Variants in PCDHA2 observed in about 807,000 individuals in gnomAD.
PCDHA2 encodes the protein protocadherin alpha-2.
A neutral mutation model predicts 66.0 loss-of-function variants in PCDHA2; 58 were observed. That is an observed-to-expected ratio of 0.88 (90% CI 0.71 to 1.09). The LOEUF (loss-of-function observed/expected upper bound fraction) is 1.09. Ranked by LOEUF, PCDHA2 falls within the 50% of genes least tolerant of loss-of-function variation. PCDHA2 has a pLI of 0.00. For missense variants in PCDHA2, 1,267 were observed against 1,242.3 expected (o/e 1.02, Z -0.30); for synonymous variants, 634 against 554.0 (o/e 1.14, Z -2.03).
intron 3 of PCDHA2, among the ~76,000 whole-genome samples, chr5:140,995,247 A>G (rs1377733694): frequency 6.6e-6 from 1 of 152,186 alleles, no homozygotes; most frequent in Non-Finnish European, 1.5e-5. Context: ...TAAGTAAAAT[A>G]AGGGTACTTG....
chr5:140,966,206 T>C, intron 1 of PCDHA2: 1 of 227,662 alleles, frequency 4.4e-6, no homozygotes, highest in Non-Finnish European at 8.5e-6. Context: ...GCTTGACTGC[T>C]TTTCCCAGAC....
rs1763134467 is a variant in PCDHA2, at chr5:140,803,170, C to T, written c.2388+5818C>T. The T allele has an allele frequency of 6.2e-7, 1 of 1,613,898 alleles. No homozygotes were observed. Among genetic ancestry groups the T allele is most frequent in the Non-Finnish European group, 8.5e-7 (1 of 1,179,938 alleles). ...CTGGTGAAGGACCACGGTGAACCCT[C>T]ATTGACCGCCACGGCCACTGTGCTG... On this transcript the variant is annotated intron_variant, in intron 1 of 3. Coordinates refer to ENST00000526136, the MANE Select transcript of PCDHA2 (RefSeq NM_018905.3).
intron 1 of PCDHA2, chr5:140,927,103 C>T: frequency 6.2e-7 from 1 of 1,613,768 alleles, no homozygotes; most frequent in Non-Finnish European, 8.5e-7. Flanking sequence ...GGTGGATCTA[C>T]CCAGCGGCAA....
At chr5:140,912,865 A>G (rs1554195582) in intron 1 of PCDHA2, among the ~76,000 whole-genome samples, 1 of 152,138 alleles carries the variant, frequency 6.6e-6, no homozygotes, top group East Asian at 1.9e-4. Flanking sequence ...GAAATGATAT[A>G]TGGTTTTTGG....
At position 140,796,135 on chromosome 5, in the gene PCDHA2, C is replaced by T; in HGVS notation, c.1171C>T (p.Pro391Ser). 6.8e-6 allele frequency: 11 copies of T among 1,614,222 alleles called. No individual in the cohort carries two copies. Among genetic ancestry groups the T allele is most frequent in the Non-Finnish European group, 9.3e-6 (11 of 1,180,044 alleles). ...TGGACATGTCACCTGCTCCCTGACG[C>T]CCCACGTCCCTTTCAAGCTGGTGTC... Reference protein sequence around the residue: ...TNGHVTCSLTPHVPFKLVSTF... With the variant: ...TNGHVTCSLTSHVPFKLVSTF... The change falls in exon 1 of 4, where the codon CCC (proline) becomes TCC (serine). Residue 391 changes from proline (P) to serine (S), a missense_variant. Physicochemically the swap from Pro to Ser is moderately conservative, Grantham distance 74 (BLOSUM62 -1). Transcript: ENST00000526136.
In PCDHA2 at chr5:140,982,506, C is replaced by T. The variant is rs139355257; in HGVS notation, c.2479C>T (p.Arg827Trp). The change falls in exon 3 of 4, where the codon CGG (arginine) becomes TGG (tryptophan). Residue 827 changes from arginine to tryptophan, a missense_variant. Arg to Trp is a moderately radical substitution (Grantham distance 101). Coordinates refer to ENST00000526136, the MANE Select transcript of PCDHA2 (RefSeq NM_018905.3). ...GCACCTAGAGGAGGCTGGCATTCTACGGGCTGGTCCAGGAGGGCCTGATCA... is the reference window on the plus strand; with the variant it reads ...GCACCTAGAGGAGGCTGGCATTCTATGGGCTGGTCCAGGAGGGCCTGATCA... The part of the protein sequence containing the change: ...SVHLEEAGIL[R>W]AGPGGPDQQW... The T allele has an allele frequency of 3.5e-5, 57 of 1,614,162 alleles. No individual in the cohort carries two copies. Among genetic ancestry groups the T allele is most frequent in the Middle Eastern group, 3.3e-4 (2 of 6,058 alleles).
chr5:140,880,810 T>C (rs552209492), intron 1 of PCDHA2, among the ~76,000 whole-genome samples: 90 of 152,330 alleles, frequency 5.9e-4, no homozygotes, highest in Non-Finnish European at 1.1e-3. Flanking sequence ...TGAATGACTC[T>C]AGAGTGTCTG....
intron 1 of PCDHA2, chr5:140,876,117 C>G: frequency 6.2e-7 from 1 of 1,613,922 alleles, no homozygotes; most frequent in East Asian, 2.2e-5. Context: ...TGATGGTAAT[C>G]GATGGCGGTA....
At chr5:140,927,118 G>A in intron 1 of PCDHA2, 2 of 1,613,946 alleles carry the variant, frequency 1.2e-6, no homozygotes, top group Non-Finnish European at 1.7e-6. Context: ...CGGCAATTTG[G>A]TGGTCAGAGA....
chr5:140,851,230 A>G (rs1327220273), intron 1 of PCDHA2: 1 of 1,136,468 alleles, frequency 8.8e-7, no homozygotes, highest in Non-Finnish European at 1.1e-6. Flanking sequence ...ACTATCATTT[A>G]TTTATTGCTA....
At chr5:140,897,872 A>G (rs1327007992) in intron 1 of PCDHA2, among the ~76,000 whole-genome samples, 1 of 152,068 alleles carries the variant, frequency 6.6e-6, no homozygotes, top group Non-Finnish European at 1.5e-5. Context: ...CTTTTTAATG[A>G]TTGCCATTCT....
chr5:140,995,314 G>A (rs2097676013), intron 3 of PCDHA2, among the ~76,000 whole-genome samples: 1 of 152,140 alleles, frequency 6.6e-6, no homozygotes, highest in Admixed American at 6.5e-5. Context: ...CTTTCTAAGT[G>A]AACTAACAGG....
chr5:140,849,747 G>A (rs2150448012), intron 1 of PCDHA2: 2 of 1,598,328 alleles, frequency 1.3e-6, no homozygotes, highest in South Asian at 1.1e-5. Flanking sequence ...CCGCGAGAGT[G>A]TGTCCGCCTA....
At position 141,009,870 on chromosome 5, in the gene PCDHA2, A is replaced by G. The variant is rs1554262513; in HGVS notation, c.2780A>G (p.Lys927Arg). 1.9e-6 allele frequency: 3 copies of G among 1,614,114 alleles called. No homozygotes were observed. Among genetic ancestry groups the G allele is most frequent in the South Asian group, 2.2e-5 (2 of 91,074 alleles). ...GAGACCAAGAAAAAGAAGAAAAAGA[A>G]GAAGGGTAACAAGACCCAGGAGAAA... ...KEETKKKKKK[K>R]KGNKTQEKKE... The change falls in exon 4 of 4, where the codon AAG (lysine) becomes AGG (arginine). Residue 927 changes from lysine to arginine, a missense_variant. Physicochemically the swap from Lys to Arg is conservative, Grantham distance 26. Coordinates refer to ENST00000526136, the MANE Select transcript of PCDHA2 (RefSeq NM_018905.3).
At chr5:140,813,338 A>G (rs1554126171) in intron 1 of PCDHA2, 1 of 152,234 alleles carries the variant, frequency 6.6e-6, no homozygotes, top group Non-Finnish European at 1.5e-5. Context: ...ACATATTTAC[A>G]CAAACCTAGA....
chr5:140,864,396 G>A (rs2048459702), intron 1 of PCDHA2: 1 of 152,210 alleles, frequency 6.6e-6, no homozygotes, highest in Non-Finnish European at 1.5e-5. Context: ...CACAAATGGT[G>A]ATGAGCAGGG....
intron 1 of PCDHA2, among the ~76,000 whole-genome samples, chr5:140,915,282 T>C (rs2077058994): frequency 2.0e-5 from 3 of 152,152 alleles, no homozygotes; most frequent in South Asian, 2.1e-4. Flanking sequence ...CATCATTTAC[T>C]CTTTCTACTT....
chr5:140,850,760 G>T lies in PCDHA2; in HGVS notation c.2388+53408G>T. 1.3e-6 allele frequency: 2 copies of T among 1,598,100 alleles called. 1 individual carries two copies. The highest frequency in any genetic ancestry group is 1.7e-6 in the Non-Finnish European group (2 of 1,167,646). On this transcript the variant is annotated intron_variant, in intron 1 of 3. Coordinates refer to ENST00000526136, the MANE Select transcript of PCDHA2 (RefSeq NM_018905.3). ...GTTGGTCGTACTCGCAGCAGAGGAGGCAGAGGGTGTGCTCTGGCGAGGGTA... is the reference window on the plus strand; with the variant it reads ...GTTGGTCGTACTCGCAGCAGAGGAGTCAGAGGGTGTGCTCTGGCGAGGGTA...
At chr5:140,825,516 C>T (rs1278586078) in intron 1 of PCDHA2, 1 of 151,016 alleles carries the variant, frequency 6.6e-6, no homozygotes, top group Non-Finnish European at 1.5e-5. Flanking sequence ...TCTTGGCCTC[C>T]CAGGTTCAAG....
Sources: gnomAD v4.1 joint callset for allele counts (sites outside exome capture counted in the v4.1 genomes callset) on GRCh38, gnomAD v4.1.1 for gene constraint, MANE v1.5 for transcripts, NCBI Gene and HGNC (gene_info 2026-07-23, HGNC 2026-07-21) for gene names.